RBM47: variants seen among roughly 807,000 people sequenced by gnomAD.
RBM47 encodes RNA-binding protein 47.
In RBM47, 21 loss-of-function variants were observed where a neutral mutation model predicts 47.1. The observed-to-expected ratio is 0.45, with a 90% CI of 0.32 to 0.64. The LOEUF (loss-of-function observed/expected upper bound fraction) is 0.64. Ranked by LOEUF, RBM47 falls within the 30% of genes least tolerant of loss-of-function variation. RBM47 has a pLI of 0.05. For missense variants in RBM47, 708 were observed against 870.9 expected (o/e 0.81, Z 2.35); for synonymous variants, 375 against 361.7 (o/e 1.04, Z -0.42).
intron 2 of RBM47, among the ~76,000 whole-genome samples, chr4:40,495,054 G>C (rs1722388755): frequency 6.6e-6 from 1 of 152,078 alleles, no homozygotes; most frequent in Non-Finnish European, 1.5e-5. Flanking sequence ...CGATCCTCCT[G>C]CCTCAGCCTC....
At chr4:40,566,410 G>T (rs1416416191) in intron 1 of RBM47, among the ~76,000 whole-genome samples, 1 of 152,184 alleles carries the variant, frequency 6.6e-6, no homozygotes, top group South Asian at 2.1e-4. Flanking sequence ...ACTTTGGGAG[G>T]CTGAGGTGGG....
chr4:40,523,679 C>G (rs1726429072), intron 2 of RBM47, among the ~76,000 whole-genome samples: 1 of 151,188 alleles, frequency 6.6e-6, no homozygotes, highest in South Asian at 2.1e-4. Flanking sequence ...GCCAGGGTGA[C>G]GTGGTGAAAC....
At chr4:40,443,717 C>CAAAAAAAAAAAAAA (rs10581870) in intron 3 of RBM47, among the ~76,000 whole-genome samples, 3 of 47,746 alleles carry the variant, frequency 6.3e-5, no homozygotes, top group African/African-American at 2.5e-4. Flanking sequence ...AACTCCTTCT[C>CAAAAAAAAAAAAAA]AAAAAAAAAA....
At chr4:40,462,549 C>T (rs1717320944) in intron 3 of RBM47, among the ~76,000 whole-genome samples, 1 of 152,060 alleles carries the variant, frequency 6.6e-6, no homozygotes, top group African/African-American at 2.4e-5. Context: ...ACTTGCTGAG[C>T]CCAACTGCCG....
chr4:40,600,357 G>A (rs1043397402), intron 1 of RBM47, among the ~76,000 whole-genome samples: 7 of 151,928 alleles, frequency 4.6e-5, no homozygotes, highest in Middle Eastern at 3.2e-3. Context: ...AGCAGAGGCC[G>A]GGCGCGGTGG....
chr4:40,562,949 TCAAGTA>T (rs1258361045), intron 1 of RBM47, among the ~76,000 whole-genome samples: 2 of 152,122 alleles, frequency 1.3e-5, no homozygotes, highest in East Asian at 3.8e-4. Flanking sequence ...CCCAAAAGGG[TCAAGTA>T]CAATGACAAA....
At chr4:40,494,624 G>T in intron 2 of RBM47, among the ~76,000 whole-genome samples, 1 of 152,120 alleles carries the variant, frequency 6.6e-6, no homozygotes, top group East Asian at 1.9e-4. Flanking sequence ...TGAGACGAGG[G>T]CTCTCAGGTG....
chr4:40,593,317 T>C (rs997577011), intron 1 of RBM47, among the ~76,000 whole-genome samples: 7 of 151,936 alleles, frequency 4.6e-5, no homozygotes, highest in African/African-American at 1.7e-4. Context: ...CATTAAATAA[T>C]TTTTTAATGT....
chr4:40,429,911 G>C (rs949633753), intron 6 of RBM47, among the ~76,000 whole-genome samples: 1 of 151,858 alleles, frequency 6.6e-6, no homozygotes, highest in Non-Finnish European at 1.5e-5. Flanking sequence ...AACCCTGATG[G>C]TGGCCGGGCG....
At chr4:40,451,216 A>G (rs1715394136) in intron 3 of RBM47, among the ~76,000 whole-genome samples, 1 of 150,926 alleles carries the variant, frequency 6.6e-6, no homozygotes, top group Non-Finnish European at 1.5e-5. Flanking sequence ...AGTCAAGGCT[A>G]TCAAGACTGA....
rs527852648 is a variant in RBM47 at position 40,511,796 on chromosome 4, G to A, written c.-155+32626C>T. On this transcript the variant is annotated intron_variant, in intron 2 of 6. Coordinates refer to ENST00000295971, the MANE Select transcript of RBM47 (RefSeq NM_001098634.2). ...CTAAAAATACAAAAATTAGCCGGGC[G>A]TGGTGGCAGGCGCCTATAGCCCCAG... Among the ~76,000 whole-genome samples the A allele has an allele frequency of 7.2e-5, 11 of 152,094 alleles. 1 individual carries two copies. In the East Asian group the frequency reaches 1.2e-3, roughly 16 times the overall value.
intron 1 of RBM47, among the ~76,000 whole-genome samples, chr4:40,572,822 C>T (rs1731859369): frequency 6.6e-6 from 1 of 151,808 alleles, no homozygotes; most frequent in Non-Finnish European, 1.5e-5. Context: ...CTTGTTTATT[C>T]ATTTGAAAGT....
chr4:40,572,939 G>A (rs1021179589), intron 1 of RBM47, among the ~76,000 whole-genome samples: 5 of 151,414 alleles, frequency 3.3e-5, no homozygotes, highest in Non-Finnish European at 5.9e-5. Flanking sequence ...ATTACTTGAG[G>A]CCAGGAGTTC....
intron 3 of RBM47, among the ~76,000 whole-genome samples, chr4:40,460,286 T>TTTATG (rs1716916133): frequency 6.6e-6 from 1 of 152,070 alleles, no homozygotes; most frequent in Non-Finnish European, 1.5e-5. Context: ...TCTCAGGAAT[T>TTTATG]CGGTAGAGAT....
chr4:40,452,083 T>C (rs1000866008), intron 3 of RBM47, among the ~76,000 whole-genome samples: 6 of 151,738 alleles, frequency 4.0e-5, no homozygotes, highest in Admixed American at 2.6e-4. Flanking sequence ...GGCAGGAGAA[T>C]TGCTTGAACC....
chr4:40,488,041 G>C (rs1160858890), intron 2 of RBM47, among the ~76,000 whole-genome samples: 1 of 147,738 alleles, frequency 6.8e-6, no homozygotes, highest in African/African-American at 2.5e-5. Flanking sequence ...AGAGAGAGAG[G>C]CTGGGCACGG....
chr4:40,584,302 G>A (rs908262725), intron 1 of RBM47, among the ~76,000 whole-genome samples: 20 of 152,048 alleles, frequency 1.3e-4, no homozygotes, highest in Admixed American at 7.9e-4. Context: ...CACACATCAT[G>A]ACACTCCCCC....
chr4:40,428,942 G>C (rs969327408), intron 6 of RBM47, among the ~76,000 whole-genome samples: 2 of 152,076 alleles, frequency 1.3e-5, no homozygotes, highest in African/African-American at 4.8e-5. Flanking sequence ...GCTTTCCATG[G>C]TTTCAGTTAC....
intron 1 of RBM47, among the ~76,000 whole-genome samples, chr4:40,559,871 A>G (rs572888989): frequency 6.8e-4 from 104 of 152,348 alleles, no homozygotes; most frequent in African/African-American, 2.3e-3. Flanking sequence ...AATGAAATAG[A>G]TAAGTCACTG....
Sources: gnomAD v4.1 joint callset for allele counts (sites outside exome capture counted in the v4.1 genomes callset) on GRCh38, gnomAD v4.1.1 for gene constraint, MANE v1.5 for transcripts, NCBI Gene and HGNC (gene_info 2026-07-23, HGNC 2026-07-21) for gene names.